The following ESRRG variants were observed in gnomAD, a reference collection of about 807,000 sequenced individuals.
ESRRG encodes the protein estrogen-related receptor gamma.
ESRRG carries 13 observed loss-of-function variants against 44.0 expected under a neutral mutation model. That is an observed-to-expected ratio of 0.30 (90% CI 0.19 to 0.47). ESRRG has a LOEUF of 0.47. Ranked by LOEUF, ESRRG falls within the 20% of genes least tolerant of loss-of-function variation. The probability of loss-of-function intolerance (pLI) is 1.00; values close to 1 mark genes in which losing one functional copy is unlikely to be tolerated. For missense variants in ESRRG, 395 were observed against 580.6 expected (o/e 0.68, Z 3.29); for synonymous variants, 215 against 214.6 (o/e 1.00, Z -0.02).
chr1:216,574,262 A>G (rs1340917438), intron 3 of ESRRG, among the ~76,000 whole-genome samples: 1 of 152,126 alleles, frequency 6.6e-6, no homozygotes, highest in East Asian at 1.9e-4. Flanking sequence ...CATATACTGC[A>G]TTTGCCTACA....
At chr1:216,703,654 G>A (rs949869256) in intron 1 of ESRRG, among the ~76,000 whole-genome samples, 2 of 102,102 alleles carry the variant, frequency 2.0e-5, no homozygotes, top group Non-Finnish European at 3.8e-5. Flanking sequence ...TTCAAAGCTG[G>A]ATAGATGTGT....
intron 1 of ESRRG, among the ~76,000 whole-genome samples, chr1:217,108,412 C>A (rs1463136776): frequency 1.3e-5 from 2 of 152,078 alleles, no homozygotes; most frequent in Non-Finnish European, 2.9e-5. Context: ...TCTTCCCTTG[C>A]CCCCATTAGT....
At chr1:216,926,776 T>G (rs2062643896) in intron 2 of ESRRG, among the ~76,000 whole-genome samples, 2 of 152,138 alleles carry the variant, frequency 1.3e-5, no homozygotes, top group Admixed American at 1.3e-4. Context: ...GGTAGCAGTG[T>G]AGGTGACAAA....
At chr1:217,050,853 G>A (rs1301223133) in intron 1 of ESRRG, among the ~76,000 whole-genome samples, 1 of 152,030 alleles carries the variant, frequency 6.6e-6, no homozygotes, top group African/African-American at 2.4e-5. Flanking sequence ...TGTCAGTACG[G>A]GCTATTAGAA....
intron 2 of ESRRG, among the ~76,000 whole-genome samples, chr1:216,735,985 A>T (rs948467032): frequency 9.7e-5 from 12 of 123,084 alleles, no homozygotes; most frequent in African/African-American, 3.1e-4. Flanking sequence ...ATCTCAAAAA[A>T]AAATATATAT....
intron 1 of ESRRG, among the ~76,000 whole-genome samples, chr1:217,014,737 A>T (rs1398425626): frequency 6.6e-6 from 1 of 152,216 alleles, no homozygotes; most frequent in Non-Finnish European, 1.5e-5. Flanking sequence ...GAGAAAATAC[A>T]TGCAAGTTAA....
chr1:216,746,569 G>A (rs948522618), intron 2 of ESRRG, among the ~76,000 whole-genome samples: 10 of 152,110 alleles, frequency 6.6e-5, no homozygotes, highest in African/African-American at 1.9e-4. Flanking sequence ...ATGATAGAAT[G>A]ATGGTGTCAA....
At chr1:216,539,045 C>T (rs1463329654) in intron 5 of ESRRG, among the ~76,000 whole-genome samples, 1 of 151,980 alleles carries the variant, frequency 6.6e-6, no homozygotes, top group African/African-American at 2.4e-5. Flanking sequence ...TTTTGAGATA[C>T]ATGCTTATTT....
At chr1:216,707,344 A>C in intron 1 of ESRRG, 1 of 1,535,780 alleles carries the variant, frequency 6.5e-7, no homozygotes, top group Non-Finnish European at 8.7e-7. Flanking sequence ...CACAAAGAAA[A>C]ATAATCGGGC....
At chr1:217,031,245 A>G (rs1382268709) in intron 1 of ESRRG, among the ~76,000 whole-genome samples, 1 of 152,156 alleles carries the variant, frequency 6.6e-6, no homozygotes, top group African/African-American at 2.4e-5. Context: ...CACTGCTCAC[A>G]CCTCTCCTTC....
At chr1:217,076,157 A>G (rs143375343) in intron 1 of ESRRG, among the ~76,000 whole-genome samples, 1 of 152,330 alleles carries the variant, frequency 6.6e-6, no homozygotes, top group Non-Finnish European at 1.5e-5. Context: ...CTTGAAGCTC[A>G]GCACACCTAG....
intron 2 of ESRRG, among the ~76,000 whole-genome samples, chr1:216,842,096 T>C (rs1369961075): frequency 6.6e-6 from 1 of 152,192 alleles, no homozygotes; most frequent in African/African-American, 2.4e-5. Context: ...TCATTATTCA[T>C]AGTAGCAAGA....
intron 5 of ESRRG, among the ~76,000 whole-genome samples, chr1:216,523,092 A>G (rs545910166): frequency 6.6e-6 from 1 of 152,316 alleles, no homozygotes; most frequent in Non-Finnish European, 1.5e-5. Context: ...TTAAATGTTC[A>G]GCCATATTAC....
chr1:216,693,922 G>A (rs574450274), intron 1 of ESRRG, among the ~76,000 whole-genome samples: 94 of 152,278 alleles, frequency 6.2e-4, no homozygotes, highest in Non-Finnish European at 1.1e-3. Flanking sequence ...GACTTTAAAT[G>A]TTGGATCACA....
chr1:217,091,653 A>G (rs149541853), upstream of ESRRG, among the ~76,000 whole-genome samples: 463 of 152,266 alleles, frequency 3.0e-3, 2 homozygotes, highest in African/African-American at 0.011. Flanking sequence ...TCTCTGGCTC[A>G]CTTTGCTTAT....
intron 1 of ESRRG, among the ~76,000 whole-genome samples, chr1:217,096,085 A>G (rs1007377346): frequency 6.6e-6 from 1 of 152,232 alleles, no homozygotes; most frequent in Non-Finnish European, 1.5e-5. Context: ...ATGAAATTAT[A>G]TAACACCCAA....
At chr1:216,798,313 T>C (rs558908729) in intron 2 of ESRRG, among the ~76,000 whole-genome samples, 27 of 152,272 alleles carry the variant, frequency 1.8e-4, no homozygotes, top group South Asian at 8.3e-4. Flanking sequence ...CACAGAAGGC[T>C]TCCCTGAGGA....
intron 3 of ESRRG, among the ~76,000 whole-genome samples, chr1:216,610,716 T>C (rs1057066711): frequency 6.6e-6 from 1 of 152,060 alleles, no homozygotes; most frequent in African/African-American, 2.4e-5. Context: ...TATGTATATG[T>C]ACATGTGTGT....
chr1:217,065,734 C>G (rs1049202655), intron 1 of ESRRG, among the ~76,000 whole-genome samples: 11 of 152,330 alleles, frequency 7.2e-5, no homozygotes, highest in African/African-American at 2.4e-4. Flanking sequence ...AGCTGCAGAA[C>G]TGGCAAAGAG....
Sources: allele counts gnomAD v4.1 joint callset (sites outside exome capture counted in the v4.1 genomes callset), GRCh38; gene constraint gnomAD v4.1.1; transcripts MANE v1.5; gene names NCBI Gene and HGNC (gene_info 2026-07-23, HGNC 2026-07-21).